The following PACRG variants were observed in gnomAD, a reference collection of about 807,000 sequenced individuals.
PACRG encodes parkin coregulated gene protein.
Under a neutral mutation model 29.7 loss-of-function variants are expected in PACRG, and 29 were observed. The observed-to-expected ratio is 0.98, with a 90% CI of 0.73 to 1.33. PACRG has a LOEUF of 1.33. PACRG is among the 40% of genes most tolerant of loss of function. PACRG has a pLI of 0.00. For missense variants in PACRG, 279 were observed against 316.2 expected (o/e 0.88, Z 0.89); for synonymous variants, 116 against 118.7 (o/e 0.98, Z 0.15).
At chr6:162,809,761 A>T (rs988899302) in intron 1 of PACRG, among the ~76,000 whole-genome samples, 1 of 152,222 alleles carries the variant, frequency 6.6e-6, no homozygotes, top group Non-Finnish European at 1.5e-5. Flanking sequence ...AGTAAAAATA[A>T]CTATGTGACT....
At chr6:163,119,058 G>T (rs1237424713) in intron 4 of PACRG, among the ~76,000 whole-genome samples, 1 of 152,196 alleles carries the variant, frequency 6.6e-6, no homozygotes, top group African/African-American at 2.4e-5. Flanking sequence ...GCCTTCAAGG[G>T]GCTCTTTCAG....
intron 4 of PACRG, among the ~76,000 whole-genome samples, chr6:163,146,752 G>T (rs1777818635): frequency 6.6e-6 from 1 of 152,126 alleles, no homozygotes; most frequent in Non-Finnish European, 1.5e-5. Flanking sequence ...CTTGTATTTT[G>T]CCTTACAAAC....
chr6:162,808,722 A>G (rs992611088), intron 1 of PACRG, among the ~76,000 whole-genome samples: 1 of 152,108 alleles, frequency 6.6e-6, no homozygotes, highest in African/African-American at 2.4e-5. Flanking sequence ...ATTCTTCCCA[A>G]TTGGTTTACA....
At chr6:162,732,996 C>T (rs943911561) in intron 1 of PACRG, among the ~76,000 whole-genome samples, 3 of 152,190 alleles carry the variant, frequency 2.0e-5, no homozygotes, top group African/African-American at 7.2e-5. Context: ...TTTTGTGTTT[C>T]TGTTTATGTT....
In PACRG at chr6:162,896,297, G is replaced by A. The variant is rs1163057287; in HGVS notation, c.291+82016G>A. On this transcript the variant is annotated intron_variant, in intron 2 of 4. Coordinates refer to ENST00000366888, the MANE Select transcript of PACRG (RefSeq NM_001080379.2). The stretch of plus-strand genomic sequence containing the variant: ...AATTGGAGTGGGGCTTGGCAGCTTC[G>A]GGATCTAGCTGGGGGAACATTGATT... Among the ~76,000 whole-genome samples, 3 of 152,284 alleles carry A rather than the reference G, an allele frequency of 2.0e-5. No individual in the cohort carries two copies. The South Asian group carries it at 6.2e-4, about 32-fold the overall frequency.
At chr6:163,294,747 A>T (rs1293017457) in intron 4 of PACRG, among the ~76,000 whole-genome samples, 2 of 152,248 alleles carry the variant, frequency 1.3e-5, no homozygotes, top group African/African-American at 4.8e-5. Flanking sequence ...GATTAGCTAG[A>T]TAATAATAGA....
chr6:163,175,465 C>CA (rs1381488942), intron 4 of PACRG, among the ~76,000 whole-genome samples: 1 of 151,784 alleles, frequency 6.6e-6, no homozygotes, highest in African/African-American at 2.4e-5. Context: ...CATCACTCCC[C>CA]CCCAGCCACC....
intron 4 of PACRG, among the ~76,000 whole-genome samples, chr6:163,240,249 A>AG (rs1398043229): frequency 9.6e-6 from 1 of 104,152 alleles, no homozygotes; most frequent in Admixed American, 9.3e-5. Flanking sequence ...TGGGAGGAGG[A>AG]GGGGGGGACG....
At chr6:162,826,221 T>C (rs180727945) in intron 2 of PACRG, among the ~76,000 whole-genome samples, 2 of 152,280 alleles carry the variant, frequency 1.3e-5, no homozygotes, top group East Asian at 3.9e-4. Context: ...GTGTATTGCA[T>C]GATTGTGTAT....
chr6:163,051,457 A>C (rs486863), intron 2 of PACRG: 1 of 152,056 alleles, frequency 6.6e-6, no homozygotes, highest in Non-Finnish European at 1.5e-5. Flanking sequence ...TTTCCTTTTC[A>C]TTATCTGAGA....
intron 4 of PACRG, among the ~76,000 whole-genome samples, chr6:163,291,812 C>T (rs1196474880): frequency 6.6e-6 from 1 of 152,144 alleles, no homozygotes; most frequent in Non-Finnish European, 1.5e-5. Flanking sequence ...GAAGAAATGA[C>T]TCAAGGCCAG....
chr6:163,269,943 G>GAAAGAAAAC (rs1438560356), intron 4 of PACRG, among the ~76,000 whole-genome samples: 13 of 27,040 alleles, frequency 4.8e-4, no homozygotes, highest in East Asian at 4.5e-3. Flanking sequence ...AAGAAAGAAA[G>GAAAGAAAAC]AAAGAAAGAA....
At chr6:162,837,607 T>G (rs1026910278) in intron 2 of PACRG, among the ~76,000 whole-genome samples, 1 of 152,160 alleles carries the variant, frequency 6.6e-6, no homozygotes, top group Non-Finnish European at 1.5e-5. Context: ...CTGGAAAAAT[T>G]AACAAGCAAG....
intron 4 of PACRG, among the ~76,000 whole-genome samples, chr6:163,230,780 T>TGTGTAATGCCGAAC (rs1554231576): frequency 8.9e-5 from 6 of 67,348 alleles, no homozygotes; most frequent in African/African-American, 1.5e-4. Flanking sequence ...AGGTGCAGAG[T>TGTGTAATGCCGAAC]TAGGGAGGGA....
At chr6:162,858,055 T>C (rs139003161) in intron 2 of PACRG, among the ~76,000 whole-genome samples, 1 of 152,354 alleles carries the variant, frequency 6.6e-6, no homozygotes, top group Non-Finnish European at 1.5e-5. Flanking sequence ...TGCTGACATA[T>C]ATTAACTCTT....
chr6:162,941,926 G>A (rs928980383), intron 2 of PACRG, among the ~76,000 whole-genome samples: 9 of 152,140 alleles, frequency 5.9e-5, no homozygotes, highest in African/African-American at 1.7e-4. Flanking sequence ...CTACCCAGCT[G>A]TAAAAATTCC....
intron 2 of PACRG, among the ~76,000 whole-genome samples, chr6:162,924,553 A>G (rs943708950): frequency 2.6e-5 from 4 of 152,134 alleles, no homozygotes; most frequent in South Asian, 2.1e-4. Context: ...GTGCTAAGGT[A>G]TATTCCTACT....
In PACRG at chr6:163,144,343, TACATACACAC is replaced by T. The variant is rs1326438017; in HGVS notation, c.613+54939_613+54948del. On this transcript the variant is annotated intron_variant, in intron 4 of 4. Coordinates refer to ENST00000366888, the MANE Select transcript of PACRG (RefSeq NM_001080379.2). ...GAAAAGCAACACACATACACACACA[TACATACACAC>T]ACACACACACACACACAGTTATATT... 3.6e-5 allele frequency among the ~76,000 whole-genome samples: 5 copies of T among 137,232 alleles called. No homozygotes were observed. The East Asian group carries it at 1.0e-3, about 28-fold the overall frequency. 90.0% of individuals were successfully genotyped at this position (137,232 alleles called of 152,430 possible). A position where few individuals can be genotyped will look rare whatever the true frequency, so the allele number is the denominator to read the frequency against.
chr6:163,188,853 C>G (rs1453026798), intron 4 of PACRG, among the ~76,000 whole-genome samples: 1 of 152,194 alleles, frequency 6.6e-6, no homozygotes, highest in Non-Finnish European at 1.5e-5. Flanking sequence ...TTGTACAAAG[C>G]AAGCATGGGC....
Sources: allele counts gnomAD v4.1 joint callset (sites outside exome capture counted in the v4.1 genomes callset), GRCh38; gene constraint gnomAD v4.1.1; transcripts MANE v1.5; gene names NCBI Gene and HGNC (gene_info 2026-07-23, HGNC 2026-07-21).